DLGAP1: variants seen among roughly 807,000 people sequenced by gnomAD.
DLGAP1 encodes disks large-associated protein 1.
In DLGAP1, 11 loss-of-function variants were observed where a neutral mutation model predicts 90.8. The ratio of observed to expected loss-of-function variants is 0.12; its 90% CI spans 0.08 to 0.20. DLGAP1 has a LOEUF of 0.20. Ranked by LOEUF, DLGAP1 falls within the 10% of genes least tolerant of loss-of-function variation. The pLI is 1.00. For synonymous variants in DLGAP1, 558 were observed against 540.7 expected, an observed-to-expected ratio of 1.03 and a Z score of -0.44; for missense variants, 1,050 against 1,333.8, an observed-to-expected ratio of 0.79 and a Z score of 3.31.
chr18:3,564,677 T>C (rs1485805958), intron 9 of DLGAP1, among the ~76,000 whole-genome samples: 9 of 152,196 alleles, frequency 5.9e-5, no homozygotes, highest in African/African-American at 2.2e-4. Flanking sequence ...TTGGAGCTTT[T>C]AACTCTCAGA....
chr18:4,447,541 G>A (rs937727243), intron 1 of DLGAP1, among the ~76,000 whole-genome samples: 21 of 152,002 alleles, frequency 1.4e-4, no homozygotes, highest in African/African-American at 5.1e-4. Context: ...GACATGAAGA[G>A]TACACTGAAG....
intron 1 of DLGAP1, among the ~76,000 whole-genome samples, chr18:4,356,101 G>A (rs2081507758): frequency 1.3e-5 from 2 of 151,834 alleles, no homozygotes; most frequent in South Asian, 4.1e-4. Context: ...ACAGCAGGAA[G>A]TGCACCGTAG....
At chr18:3,792,658 C>G (rs955633850) in intron 5 of DLGAP1, among the ~76,000 whole-genome samples, 16 of 152,306 alleles carry the variant, frequency 1.1e-4, no homozygotes, top group African/African-American at 3.8e-4. Context: ...GTCCCACTAA[C>G]CTGACAATGT....
At position 3,862,881 on chromosome 18, in the gene DLGAP1, G is replaced by A. The variant is rs552395833; in HGVS notation, c.957+16231C>T. 3.2e-4 allele frequency among the ~76,000 whole-genome samples: 49 copies of A among 152,382 alleles called. No homozygotes were observed. In the South Asian group the frequency reaches 9.1e-3, roughly 28 times the overall value. On this transcript the variant is annotated intron_variant, in intron 4 of 12. Transcript: ENST00000315677. ...CAGGCATTCAAGCAGGGCGGCCCTC[G>A]CCCTCACTGGGCCTCCCTGCCCCGC...
intron 3 of DLGAP1, among the ~76,000 whole-genome samples, chr18:3,883,400 C>G (rs1163077684): frequency 6.6e-6 from 1 of 152,200 alleles, no homozygotes; most frequent in Non-Finnish European, 1.5e-5. Context: ...TCTATCCATG[C>G]TTTGTGAAGC....
chr18:4,007,828 A>T (rs1282271232), intron 2 of DLGAP1, among the ~76,000 whole-genome samples: 2 of 152,136 alleles, frequency 1.3e-5, no homozygotes, highest in Non-Finnish European at 2.9e-5. Context: ...AACACTATGG[A>T]TCCTAGTCAG....
At chr18:4,252,450 A>G (rs994748598) in intron 1 of DLGAP1, among the ~76,000 whole-genome samples, 1 of 152,242 alleles carries the variant, frequency 6.6e-6, no homozygotes, top group African/African-American at 2.4e-5. Context: ...GGTAGGCAAC[A>G]GCTTCACTGC....
At chr18:4,255,510 A>AAAT (rs2078871029) in intron 1 of DLGAP1, among the ~76,000 whole-genome samples, 3 of 149,332 alleles carry the variant, frequency 2.0e-5, no homozygotes, top group African/African-American at 7.4e-5. Flanking sequence ...TGAAAAAAAA[A>AAAT]ATATATATAT....
chr18:4,163,766 G>A (rs542532381), intron 1 of DLGAP1, among the ~76,000 whole-genome samples: 1 of 152,312 alleles, frequency 6.6e-6, no homozygotes, highest in South Asian at 2.1e-4. Context: ...TCTGGAAAAT[G>A]CCGTGAGAGA....
At chr18:3,837,573 G>T (rs531092599) in intron 4 of DLGAP1, among the ~76,000 whole-genome samples, 2 of 152,264 alleles carry the variant, frequency 1.3e-5, no homozygotes, top group African/African-American at 4.8e-5. Context: ...CAAAGGCTGG[G>T]CGCAGTGGCT....
chr18:3,627,544 C>T (rs1026060531), intron 7 of DLGAP1, among the ~76,000 whole-genome samples: 26 of 152,058 alleles, frequency 1.7e-4, no homozygotes, highest in African/African-American at 3.9e-4. Context: ...AATGGGTGGG[C>T]GTATCAGAAT....
At chr18:4,004,815 T>G (rs2074267727) in intron 3 of DLGAP1, among the ~76,000 whole-genome samples, 1 of 152,180 alleles carries the variant, frequency 6.6e-6, no homozygotes, top group Non-Finnish European at 1.5e-5. Context: ...TAAATTATTG[T>G]GTGCATTGAC....
At chr18:3,688,652 CA>C (rs2060789664) in intron 7 of DLGAP1, among the ~76,000 whole-genome samples, 2 of 136,728 alleles carry the variant, frequency 1.5e-5, no homozygotes, top group East Asian at 2.0e-4. Context: ...CACACACACA[CA>C]CACACACACA....
intron 11 of DLGAP1, 62 bp downstream of exon 11, chr18:3,508,508 C>A (rs1271443072): frequency 3.1e-6 from 4 of 1,285,666 alleles, no homozygotes; most frequent in Non-Finnish European, 3.3e-6. Context: ...TTGGGCCAGT[C>A]TTGGTGACAT....
At chr18:4,079,812 G>T (rs1170606225) in intron 2 of DLGAP1, among the ~76,000 whole-genome samples, 1 of 151,968 alleles carries the variant, frequency 6.6e-6, no homozygotes, top group African/African-American at 2.4e-5. Context: ...TCAGGATCTG[G>T]TGCTTGAGTT....
At chr18:4,088,112 T>TATTTTA (rs11281404) in intron 2 of DLGAP1, among the ~76,000 whole-genome samples, 88,813 of 150,616 alleles carry the variant, frequency 0.59, 26,861 homozygotes, top group Non-Finnish European at 0.64. Flanking sequence ...AAACATTTCC[T>TATTTTA]ATTTTAATTT....
chr18:3,737,772 A>G (rs1274131747), intron 6 of DLGAP1, among the ~76,000 whole-genome samples: 1 of 138,672 alleles, frequency 7.2e-6, no homozygotes, highest in Non-Finnish European at 1.5e-5. Flanking sequence ...AGTTCTGGCC[A>G]GGGCAATTAG....
At chr18:3,623,943 T>C (rs1379664371) in intron 7 of DLGAP1, among the ~76,000 whole-genome samples, 2 of 152,088 alleles carry the variant, frequency 1.3e-5, no homozygotes, top group African/African-American at 4.8e-5. Context: ...ACCGGTTCAG[T>C]GGGATCTGGT....
At chr18:3,686,917 T>C (rs531676931) in intron 7 of DLGAP1, among the ~76,000 whole-genome samples, 6 of 152,296 alleles carry the variant, frequency 3.9e-5, no homozygotes, top group African/African-American at 1.4e-4. Context: ...GGTGAGATTA[T>C]CCCGGATTAT....
Sources: gnomAD v4.1 joint callset for allele counts (sites outside exome capture counted in the v4.1 genomes callset) on GRCh38, gnomAD v4.1.1 for gene constraint, MANE v1.5 for transcripts, NCBI Gene and HGNC (gene_info 2026-07-23, HGNC 2026-07-21) for gene names.